The following MTR variants were observed in gnomAD, a reference collection of about 807,000 sequenced individuals.
MTR encodes methionine synthase.
In MTR, 84 loss-of-function variants were observed where a neutral mutation model predicts 154.8. The observed-to-expected ratio is 0.54, with a 90% confidence interval of 0.45 to 0.65. The LOEUF is 0.65. Ranked by LOEUF, MTR falls within the 30% of genes least tolerant of loss-of-function variation. The pLI is 0.00. For synonymous variants in MTR, 554 were observed against 553.9 expected, an observed-to-expected ratio of 1.00 and a Z score of 0.00; for missense variants, 1,275 against 1,570.2, an observed-to-expected ratio of 0.81 and a Z score of 3.18.
intron 22 of MTR, among the ~76,000 whole-genome samples, chr1:236,868,596 A>C (rs1664948978): frequency 6.6e-6 from 1 of 152,236 alleles, no homozygotes; most frequent in East Asian, 1.9e-4. Flanking sequence ...AGGAAAAGAC[A>C]AAAGAGGACA....
chr1:236,838,486 A>C lies in MTR; in HGVS notation c.1402A>C (p.Ile468Leu), dbSNP rs1186986913. ...AGLKCCQGKCIVNSISLKEGE... is the reference protein window; with the variant it reads ...AGLKCCQGKCLVNSISLKEGE... ...GTTAAAGTGCTGCCAAGGGAAGTGC[A>C]TTGTCAATAGCATTAGTCTGAAGGA... The change falls in exon 15 of 33, where the codon ATT becomes CTT. Residue 468 changes from isoleucine to leucine, a missense_variant. By Grantham distance (5) the Ile-to-Leu change is conservative. Coordinates refer to ENST00000366577, the MANE Select transcript of MTR (RefSeq NM_000254.3). 6.2e-7 allele frequency: 1 copy of C among 1,614,118 alleles called. No homozygotes were observed. The highest frequency in any genetic ancestry group is 8.5e-7 in the Non-Finnish European group (1 of 1,180,004).
intron 22 of MTR, among the ~76,000 whole-genome samples, chr1:236,865,760 T>G (rs1664787361): frequency 6.6e-6 from 1 of 152,224 alleles, no homozygotes. Flanking sequence ...TCCCAATTTA[T>G]ACAGTTCTTT....
chr1:236,809,277 A>G (rs1185140334), intron 4 of MTR, among the ~76,000 whole-genome samples: 2 of 152,248 alleles, frequency 1.3e-5, no homozygotes, highest in Admixed American at 1.3e-4. Context: ...AAGCACACAA[A>G]AAAGTGTGGC....
At chr1:236,805,983 C>T (rs907852429) in intron 2 of MTR, among the ~76,000 whole-genome samples, 161 bp from the exon 3 acceptor site, 3 of 152,282 alleles carry the variant, frequency 2.0e-5, no homozygotes, top group South Asian at 4.1e-4. Flanking sequence ...TCTGTGAAAT[C>T]CTTACACCTT....
At chr1:236,897,310 G>GCGCGCGCACACACACA in intron 32 of MTR, among the ~76,000 whole-genome samples, 192 bp downstream of exon 32, 21 of 128,674 alleles carry the variant, frequency 1.6e-4, no homozygotes, top group Middle Eastern at 4.0e-3. Context: ...CCACACACAC[G>GCGCGCGCACACACACA]CACACACACA....
At chr1:236,865,341 A>ATT (rs1250900219) in intron 22 of MTR, among the ~76,000 whole-genome samples, 1 of 152,266 alleles carries the variant, frequency 6.6e-6, no homozygotes, top group Non-Finnish European at 1.5e-5. Flanking sequence ...GTGATAACAC[A>ATT]TAGACTCTTC....
chr1:236,815,502 A>G lies in MTR; in HGVS notation c.610-102A>G, dbSNP rs543268594. 1.1e-4 allele frequency: 128 copies of G among 1,129,732 alleles called. No homozygotes were observed. The East Asian group carries it at 1.9e-3, about 17-fold the overall frequency. The allele number at this position is 1,129,732 out of a possible 1,614,324, so 70.0% of individuals were successfully genotyped here. A position where few individuals can be genotyped will look rare whatever the true frequency, so the allele number is the denominator to read the frequency against. On this transcript the variant is annotated intron_variant, in intron 6 of 32. Transcript: ENST00000366577. Reference sequence around the variant, plus strand: ...TCCCAGAGAGCTTGATGTATATCTTATCTGAAGAGGTCTTAGAAAAGGGTG... The same window carrying G: ...TCCCAGAGAGCTTGATGTATATCTTGTCTGAAGAGGTCTTAGAAAAGGGTG...
chr1:236,850,994 T>G (rs967945164), intron 16 of MTR, among the ~76,000 whole-genome samples: 39 of 152,232 alleles, frequency 2.6e-4, no homozygotes, highest in African/African-American at 9.4e-4. Flanking sequence ...AAAGTAGCTA[T>G]TGTCCTGAGT....
Position 236,862,304 on chromosome 1 carries a change from A to C in MTR, c.2265A>C (p.Arg755Ser). The C allele has an allele frequency of 6.2e-7, 1 of 1,614,058 alleles. No homozygotes were observed. Among genetic ancestry groups the C allele is most frequent in the Non-Finnish European group, 8.5e-7 (1 of 1,179,910 alleles). Reference protein sequence around the residue: ...GHLIPFMEKEREETRVLNGTV... With the variant: ...GHLIPFMEKESEETRVLNGTV... ...TTATCCCTTTCATGGAAAAAGAAAGAGAAGAAACCAGAGTGCTTAACGGCA... is the reference window on the plus strand; with the variant it reads ...TTATCCCTTTCATGGAAAAAGAAAGCGAAGAAACCAGAGTGCTTAACGGCA... The change falls in exon 21 of 33, where the codon AGA becomes AGC. Residue 755 changes from arginine (R) to serine (S), a missense_variant. Physicochemically the swap from Arg to Ser is moderately radical, Grantham distance 110 (BLOSUM62 -1). Transcript: ENST00000366577.
In MTR at chr1:236,798,930, T is replaced by G. The variant is rs1572175188; in HGVS notation, c.34+3193T>G. Among the ~76,000 whole-genome samples the G allele has an allele frequency of 3.9e-5, 6 of 152,250 alleles. 1 individual carries two copies. The South Asian group carries it at 1.2e-3, about 32-fold the overall frequency. Reference sequence around the variant, plus strand: ...CTGATAGTAATTGGAAACTGGTGAATTAGAATGGTAATTAAAGCCCAGTGA... The same window carrying G: ...CTGATAGTAATTGGAAACTGGTGAAGTAGAATGGTAATTAAAGCCCAGTGA... On this transcript the variant is annotated intron_variant, in intron 1 of 32. Coordinates refer to ENST00000366577, the MANE Select transcript of MTR (RefSeq NM_000254.3).
intron 15 of MTR, among the ~76,000 whole-genome samples, chr1:236,848,008 C>G (rs1203043992): frequency 6.6e-6 from 1 of 152,180 alleles, no homozygotes; most frequent in Non-Finnish European, 1.5e-5. Flanking sequence ...GGCCTGTACA[C>G]CAATGCCGTG....
At position 236,891,449 on chromosome 1, in the gene MTR, C is replaced by A; in HGVS notation, c.3204+120C>A. ...CTCCTCCCAAATGACCAATCACATG[C>A]CCAAGAAGTGACCAGTCACACGCCC... is the stretch of plus-strand genomic sequence containing the variant. On this transcript the variant is annotated intron_variant, in intron 29 of 32. Coordinates refer to ENST00000366577, the MANE Select transcript of MTR (RefSeq NM_000254.3). 1.2e-5 allele frequency: 13 copies of A among 1,064,424 alleles called. No homozygotes were observed. The South Asian group carries it at 1.6e-4, about 13-fold the overall frequency. The allele number at this position is 1,064,424 out of a possible 1,614,324, so 65.9% of individuals were successfully genotyped here.
Position 236,820,490 on chromosome 1 carries a change from A to G in MTR, c.765-3629A>G, listed in dbSNP as rs187298608. On this transcript the variant is annotated intron_variant, in intron 8 of 32. Coordinates refer to ENST00000366577, the MANE Select transcript of MTR (RefSeq NM_000254.3). Reference sequence around the variant, plus strand: ...CAGCTCCCACTGCTCAGGCCACTGAATAAGTAGCAGCAACCACTGAATGGT... The same window carrying G: ...CAGCTCCCACTGCTCAGGCCACTGAGTAAGTAGCAGCAACCACTGAATGGT... 1.4e-3 allele frequency: 1,751 copies of G among 1,294,016 alleles called. 2 individuals carry two copies. Among genetic ancestry groups the G allele is most frequent in the Middle Eastern group, 2.1e-3 (8 of 3,902 alleles). The allele number at this position is 1,294,016 out of a possible 1,614,324, so 80.2% of individuals were successfully genotyped here.
In MTR at chr1:236,848,942, C is replaced by G. The variant is rs139575956; in HGVS notation, c.1516-1402C>G. 4.5e-3 allele frequency among the ~76,000 whole-genome samples: 687 copies of G among 152,320 alleles called. 8 individuals carry two copies. In the Middle Eastern group the frequency reaches 0.048, roughly 11 times the overall value. ...TGACCTATGTCCGTGTCCCTACCCC[C>G]TCATCTCCACAGAAGTCTGCAATAT... is the stretch of plus-strand genomic sequence containing the variant. On this transcript the variant is annotated intron_variant, in intron 15 of 32. Transcript: ENST00000366577.
At position 236,894,404 on chromosome 1, in the gene MTR, C is replaced by T. The variant is rs144429636; in HGVS notation, c.3252C>T (p.Asp1084=). The change falls in exon 30 of 33, where the codon GAC becomes GAT. Residue 1084 remains aspartate (D), a synonymous_variant. Transcript: ENST00000366577. Reference sequence around the variant, plus strand: ...CGGAGCCATACTACTGCCTCTCAGACTTCATCGCTCCCTTGCATTCTGGCA... The same window carrying T: ...CGGAGCCATACTACTGCCTCTCAGATTTCATCGCTCCCTTGCATTCTGGCA... ...ASTEPYYCLS[D]FIAPLHSGIR... is the part of the protein sequence containing the mutation. The T allele has an allele frequency of 2.7e-5, 44 of 1,614,222 alleles. No homozygotes were observed. In the African/African-American group the frequency reaches 5.1e-4, roughly 19 times the overall value.
intron 6 of MTR, among the ~76,000 whole-genome samples, chr1:236,815,229 A>C (rs1226053154): frequency 6.6e-6 from 1 of 152,180 alleles, no homozygotes; most frequent in African/African-American, 2.4e-5. Context: ...CAGTGGCATA[A>C]TCACAGCTCA....
intron 8 of MTR, among the ~76,000 whole-genome samples, chr1:236,817,218 G>GT (rs1185541413): frequency 1.3e-5 from 2 of 150,874 alleles, no homozygotes; most frequent in Non-Finnish European, 3.0e-5. Flanking sequence ...TATATATGCT[G>GT]TTTTTTGCCT....
At chr1:236,796,809 C>T (rs1660418012) in intron 1 of MTR, among the ~76,000 whole-genome samples, 1 of 136,736 alleles carries the variant, frequency 7.3e-6, no homozygotes, top group Admixed American at 7.3e-5. Context: ...AAATGTAAAC[C>T]TCCCTATAAG....
intron 12 of MTR, among the ~76,000 whole-genome samples, chr1:236,830,981 G>A (rs1662577520): frequency 6.6e-6 from 1 of 152,176 alleles, no homozygotes; most frequent in Admixed American, 6.5e-5. Flanking sequence ...AATGAAAGCA[G>A]TGATTATGGG....
Sources: allele counts gnomAD v4.1 joint callset (sites outside exome capture counted in the v4.1 genomes callset), GRCh38; gene constraint gnomAD v4.1.1; transcripts MANE v1.5; gene names NCBI Gene and HGNC (gene_info 2026-07-23, HGNC 2026-07-21).